The following SOX5 variants were observed in gnomAD, a reference collection of about 807,000 sequenced individuals.
The protein encoded by SOX5 is transcription factor SOX-5.
In SOX5, 9 loss-of-function variants were observed where a neutral mutation model predicts 92.0. That is an observed-to-expected ratio of 0.10 (90% confidence interval 0.06 to 0.17). The LOEUF (loss-of-function observed/expected upper bound fraction) is 0.17. Ranked by LOEUF, SOX5 falls within the 10% of genes least tolerant of loss-of-function variation. The pLI is 1.00. For missense variants in SOX5, 642 were observed against 944.5 expected (o/e 0.68, Z 4.20); for synonymous variants, 344 against 336.3 (o/e 1.02, Z -0.25).
At chr12:24,519,776 C>T (rs139552826) in intron 1 of SOX5, among the ~76,000 whole-genome samples, 248 of 152,200 alleles carry the variant, frequency 1.6e-3, no homozygotes, top group Middle Eastern at 6.8e-3. Context: ...TGAAATGATT[C>T]GTACACATCT....
intron 3 of SOX5, among the ~76,000 whole-genome samples, chr12:23,804,841 C>T (rs866929600): frequency 1.4e-4 from 21 of 145,886 alleles, no homozygotes; most frequent in South Asian, 2.2e-4. Flanking sequence ...TTTCTGATTA[C>T]GATATCTGTA....
At chr12:24,543,490 C>G (rs1952334927) in intron 1 of SOX5, among the ~76,000 whole-genome samples, 1 of 152,138 alleles carries the variant, frequency 6.6e-6, no homozygotes, top group Non-Finnish European at 1.5e-5. Context: ...AGTTCCAGAC[C>G]AGCCTGGCCA....
chr12:23,700,867 G>A (rs139986830), intron 6 of SOX5, among the ~76,000 whole-genome samples: 1 of 151,524 alleles, frequency 6.6e-6, no homozygotes, highest in Non-Finnish European at 1.5e-5. Flanking sequence ...TATATTGATA[G>A]CTAATAAAAG....
At chr12:23,987,683 C>G (rs948816941) in intron 4 of SOX5, among the ~76,000 whole-genome samples, 1 of 152,096 alleles carries the variant, frequency 6.6e-6, no homozygotes, top group African/African-American at 2.4e-5. Context: ...GTCCCAGCTA[C>G]GAGGGAGGCT....
intron 11 of SOX5, among the ~76,000 whole-genome samples, chr12:23,562,342 T>C (rs745381256): frequency 6.6e-6 from 1 of 152,204 alleles, no homozygotes; most frequent in Non-Finnish European, 1.5e-5. Context: ...GCCAGCTTCT[T>C]AGTGATTATA....
chr12:24,269,629 C>T (rs192794820), intron 3 of SOX5, among the ~76,000 whole-genome samples: 2 of 151,484 alleles, frequency 1.3e-5, no homozygotes, highest in Admixed American at 1.3e-4. Flanking sequence ...ATTTTTATTC[C>T]ATTCAATCTA....
At chr12:23,573,152 GTC>G (rs1283921450) in intron 10 of SOX5, among the ~76,000 whole-genome samples, 1 of 151,846 alleles carries the variant, frequency 6.6e-6, no homozygotes, top group African/African-American at 2.4e-5. Context: ...ATCTATACAT[GTC>G]TCTAACTCTT....
intron 4 of SOX5, among the ~76,000 whole-genome samples, chr12:24,202,451 T>C (rs1460834458): frequency 6.6e-6 from 1 of 152,188 alleles, no homozygotes; most frequent in Non-Finnish European, 1.5e-5. Flanking sequence ...ATAGAACCAA[T>C]AATACAATCA....
intron 4 of SOX5, among the ~76,000 whole-genome samples, chr12:24,167,279 T>C (rs1370167908): frequency 6.6e-6 from 1 of 152,216 alleles, no homozygotes; most frequent in Non-Finnish European, 1.5e-5. Flanking sequence ...CCTGCAGTAC[T>C]GAAATTTATA....
At chr12:24,331,873 A>AAAAAAAAAAAAT (rs777785887) in intron 2 of SOX5, among the ~76,000 whole-genome samples, 5 of 141,198 alleles carry the variant, frequency 3.5e-5, no homozygotes, top group Non-Finnish European at 8.0e-5. Flanking sequence ...AAAAAAAAAA[A>AAAAAAAAAAAAT]AAGGAAAGAA....
intron 3 of SOX5, among the ~76,000 whole-genome samples, chr12:23,804,974 T>TA (rs5797043): frequency 0.96 from 102,895 of 107,440 alleles, 49,269 homozygotes; most frequent in East Asian, 0.98. Flanking sequence ...TATATTCCTT[T>TA]AAAAAATCTT....
At chr12:23,752,430 C>G (rs979591612) in intron 4 of SOX5, among the ~76,000 whole-genome samples, 5 of 151,788 alleles carry the variant, frequency 3.3e-5, no homozygotes, top group African/African-American at 1.2e-4. Flanking sequence ...TACAAATAAA[C>G]ATTAAGTCAG....
chr12:24,244,834 G>A (rs1262788810), intron 3 of SOX5, among the ~76,000 whole-genome samples: 2 of 152,156 alleles, frequency 1.3e-5, no homozygotes, highest in African/African-American at 4.8e-5. Context: ...TGGGATTACA[G>A]GCATGCACCA....
At chr12:24,396,493 CG>C (rs1419548786) in intron 1 of SOX5, among the ~76,000 whole-genome samples, 1 of 152,198 alleles carries the variant, frequency 6.6e-6, no homozygotes. Context: ...TAGAGCTGCC[CG>C]GTTCCCATTG....
Position 23,604,371 on chromosome 12 carries a change from T to C in SOX5, c.1164+16A>G. The C allele has an allele frequency of 6.2e-7, 1 of 1,613,240 alleles. No homozygotes were observed. On this transcript the variant is annotated intron_variant, in intron 9 of 14. Transcript: ENST00000451604. ...TAAAGCTAAGTGGCAAGACAGTGGC[T>C]TCTTCAAAAGGGTACCTTGCTTTTG...
chr12:23,936,302 G>A (rs1295078077), intron 1 of SOX5, among the ~76,000 whole-genome samples: 1 of 150,678 alleles, frequency 6.6e-6, no homozygotes, highest in Non-Finnish European at 1.5e-5. Context: ...TACATATAGT[G>A]GCATTTCAAA....
intron 6 of SOX5, among the ~76,000 whole-genome samples, chr12:23,706,286 A>G (rs2091381546): frequency 6.6e-6 from 1 of 152,106 alleles, no homozygotes; most frequent in Non-Finnish European, 1.5e-5. Flanking sequence ...GAAATATTAT[A>G]TTTAGTATTT....
At chr12:24,534,310 C>G (rs1951448043) in intron 1 of SOX5, among the ~76,000 whole-genome samples, 1 of 151,708 alleles carries the variant, frequency 6.6e-6, no homozygotes, top group Admixed American at 6.6e-5. Context: ...TCAGCAATCC[C>G]TCAGAAAAGT....
At chr12:23,989,032 T>C (rs937472438) in intron 4 of SOX5, among the ~76,000 whole-genome samples, 4 of 152,110 alleles carry the variant, frequency 2.6e-5, no homozygotes, top group African/African-American at 9.6e-5. Flanking sequence ...TTATTTCAGA[T>C]GTAGAATATT....
Sources: allele counts gnomAD v4.1 joint callset (sites outside exome capture counted in the v4.1 genomes callset), GRCh38; gene constraint gnomAD v4.1.1; transcripts MANE v1.5; gene names NCBI Gene and HGNC (gene_info 2026-07-23, HGNC 2026-07-21).